The following SLC44A2 variants were observed in gnomAD, a reference collection of about 807,000 sequenced individuals.
SLC44A2 encodes the protein solute carrier family 44 member 2 (CTL2 blood group).
In SLC44A2, 57 loss-of-function variants were observed where a neutral mutation model predicts 90.8. The ratio of observed to expected loss-of-function variants is 0.63; its 90% CI spans 0.51 to 0.78. The LOEUF (loss-of-function observed/expected upper bound fraction) is 0.78. Ranked by LOEUF, SLC44A2 falls within the 30% of genes least tolerant of loss-of-function variation. SLC44A2 has a pLI of 0.00. For missense variants in SLC44A2, 794 were observed against 919.7 expected (o/e 0.86, Z 1.77); for synonymous variants, 355 against 360.7 (o/e 0.98, Z 0.18).
chr19:10,633,969 C>T (rs1238714486), intron 10 of SLC44A2, among the ~76,000 whole-genome samples: 9 of 55,814 alleles, frequency 1.6e-4, no homozygotes, highest in African/African-American at 1.1e-3. Context: ...GAAACCCCAT[C>T]TCTATTTTTT....
chr19:10,634,498 T>C (rs1258869515), intron 10 of SLC44A2, among the ~76,000 whole-genome samples: 3 of 149,802 alleles, frequency 2.0e-5, no homozygotes, highest in African/African-American at 7.3e-5. Flanking sequence ...ACTTAGACCA[T>C]GGCAGCATAT....
At chr19:10,633,669 C>G (rs1281560775) in intron 10 of SLC44A2, among the ~76,000 whole-genome samples, 1 of 152,156 alleles carries the variant, frequency 6.6e-6, no homozygotes, top group Admixed American at 6.6e-5. Flanking sequence ...GTGGCCCAGG[C>G]TAGTCTTGAA....
chr19:10,620,316 A>G (rs2066887070), intron 1 of SLC44A2, among the ~76,000 whole-genome samples: 1 of 152,096 alleles, frequency 6.6e-6, no homozygotes, highest in Admixed American at 6.6e-5. Context: ...CCCCATCTCT[A>G]CTGAAAATAC....
chr19:10,611,696 C>G lies in SLC44A2; in HGVS notation c.31+9135C>G. ...AATTAGCTGGTCATGGTGGCTTATGCCTGTGGTCCGAGCCACTCTGGAGGG... is the reference window on the plus strand; with the variant it reads ...AATTAGCTGGTCATGGTGGCTTATGGCTGTGGTCCGAGCCACTCTGGAGGG... On this transcript the variant is annotated intron_variant, in intron 1 of 21. Transcript: ENST00000407327. Among the ~76,000 whole-genome samples the G allele has an allele frequency of 1.3e-5, 2 of 151,946 alleles. 1 individual carries two copies. The highest frequency in any genetic ancestry group is 1.3e-4 in the Admixed American group (2 of 15,192).
chr19:10,642,668 A>T (rs1444513145), intron 21 of SLC44A2, among the ~76,000 whole-genome samples: 1 of 152,092 alleles, frequency 6.6e-6, no homozygotes, highest in Non-Finnish European at 1.5e-5. Flanking sequence ...TGCAGCCTGG[A>T]CGCTGCCCTG....
chr19:10,625,801 C>T, intron 1 of SLC44A2, 131 bp downstream of exon 1: 2 of 803,126 alleles, frequency 2.5e-6, no homozygotes, highest in Non-Finnish European at 3.4e-6. Context: ...CTGGAGCCTC[C>T]CCACCATCAG....
At chr19:10,639,199 A>C (rs1173660283) in intron 20 of SLC44A2, among the ~76,000 whole-genome samples, 1 of 152,146 alleles carries the variant, frequency 6.6e-6, no homozygotes, top group African/African-American at 2.4e-5. Context: ...CTCGCAGAGT[A>C]CTGGGATTGC....
rs746138961 is a variant in SLC44A2, at chr19:10,635,522, G to A, written c.1233+7G>A. 6.8e-6 allele frequency: 11 copies of A among 1,610,590 alleles called. No individual in the cohort carries two copies. Among genetic ancestry groups the A allele is most frequent in the South Asian group, 3.3e-5 (3 of 90,888 alleles). ...GAAAACCTGCAACCCAGAGGTGGGC[G>A]TCCCCGGGGTGGGGAGGGCAGGTAT... On this transcript the variant is annotated splice_region_variant and intron_variant, in intron 14 of 21. Transcript: ENST00000335757.
At chr19:10,635,588 C>A in intron 14 of SLC44A2, 73 bp downstream of exon 14, 2 of 1,347,078 alleles carry the variant, frequency 1.5e-6, no homozygotes, top group Non-Finnish European at 2.1e-6. Context: ...CTCTCATGTC[C>A]ACTTGGAGGT....
intron 20 of SLC44A2, among the ~76,000 whole-genome samples, chr19:10,638,885 C>T (rs1194877116): frequency 1.3e-5 from 2 of 151,614 alleles, no homozygotes; most frequent in Non-Finnish European, 2.9e-5. Flanking sequence ...CTGCAACCTC[C>T]GCCTCCCAGG....
chr19:10,603,958 A>C (rs1918031535), intron 1 of SLC44A2, among the ~76,000 whole-genome samples: 1 of 152,186 alleles, frequency 6.6e-6, no homozygotes, highest in Non-Finnish European at 1.5e-5. Flanking sequence ...AAAGGATGGA[A>C]TTGAGCTGTG....
Position 10,643,619 on chromosome 19 carries a change from A to G in SLC44A2, c.*234A>G. ...CCCTCCAGACTGCGAGAAACAAGTA[A>G]AAACCCATTGGGGCCTCTTGATGTC... On this transcript the variant is annotated 3_prime_UTR_variant, in exon 22 of 22. Transcript: ENST00000335757. The G allele has an allele frequency of 2.3e-6, 1 of 428,264 alleles. No homozygotes were observed. The highest frequency in any genetic ancestry group is 4.2e-6 in the Non-Finnish European group (1 of 239,752). 26.5% of individuals were successfully genotyped at this position (428,264 alleles called of 1,614,324 possible). A position where few individuals can be genotyped will look rare whatever the true frequency, so the allele number is the denominator to read the frequency against.
chr19:10,639,294 C>A (rs1309210273), intron 20 of SLC44A2, among the ~76,000 whole-genome samples: 1 of 152,186 alleles, frequency 6.6e-6, no homozygotes, highest in Non-Finnish European at 1.5e-5. Flanking sequence ...GAGGGCTTCC[C>A]TCTAAAGGCC....
Position 10,631,548 on chromosome 19 carries a change from A to C in SLC44A2, c.502+13A>C. 6.2e-7 allele frequency: 1 copy of C among 1,613,982 alleles called. No individual in the cohort carries two copies. Among genetic ancestry groups the C allele is most frequent in the Non-Finnish European group, 8.5e-7 (1 of 1,180,006 alleles). ...CCCAGCAAACCCTGTGAGTCAGGGG[A>C]TCCCAGGAGGCTCAGGTGGTGACGG... is the stretch of plus-strand genomic sequence containing the variant. On this transcript the variant is annotated intron_variant, in intron 7 of 21. Transcript: ENST00000335757.
rs189631764 is a variant in SLC44A2 at position 10,634,338 on chromosome 19, C to G, written c.824-418C>G. On this transcript the variant is annotated intron_variant, in intron 10 of 21. Transcript: ENST00000335757. ...AATTAGCCGGGCATGGTGGCGCATG[C>G]CTGTAATCCCAGCTGCTCGGGAAGC... Among the ~76,000 whole-genome samples, 91 of 151,526 alleles carry G rather than the reference C, an allele frequency of 6.0e-4. No individual in the cohort carries two copies. The East Asian group carries it at 0.017, about 29-fold the overall frequency.
rs1013408333 is a variant in SLC44A2 at position 10,636,603 on chromosome 19, G to A, written c.1496+18G>A. ...GCGCTCAGGTGGGCTGGCGTTGCAG[G>A]CAGGATGGGGTGGAGGACGAGGCCT... is the stretch of plus-strand genomic sequence containing the variant. On this transcript the variant is annotated intron_variant, in intron 15 of 21. Transcript: ENST00000335757. The A allele has an allele frequency of 6.2e-7, 1 of 1,604,436 alleles. No individual in the cohort carries two copies. The highest frequency in any genetic ancestry group is 8.5e-7 in the Non-Finnish European group (1 of 1,176,016).
chr19:10,622,589 C>T (rs1004307145), upstream of SLC44A2, among the ~76,000 whole-genome samples: 4 of 151,724 alleles, frequency 2.6e-5, no homozygotes, highest in Non-Finnish European at 4.4e-5. Flanking sequence ...GAGGATGGAG[C>T]GGAGTCATGG....
intron 1 of SLC44A2, among the ~76,000 whole-genome samples, chr19:10,611,036 A>T (rs1918288102): frequency 6.6e-6 from 1 of 151,424 alleles, no homozygotes; most frequent in East Asian, 1.9e-4. Flanking sequence ...TTTGAGAGGG[A>T]GTCTTATGAT....
At chr19:10,628,833 C>T (rs980922337) in intron 4 of SLC44A2, among the ~76,000 whole-genome samples, 1 of 152,118 alleles carries the variant, frequency 6.6e-6, no homozygotes, top group African/African-American at 2.4e-5. Flanking sequence ...ACCTCGTTTT[C>T]CTCATCTCTA....
Sources: allele counts gnomAD v4.1 joint callset (sites outside exome capture counted in the v4.1 genomes callset), GRCh38; gene constraint gnomAD v4.1.1; transcripts MANE v1.5; gene names NCBI Gene and HGNC (gene_info 2026-07-23, HGNC 2026-07-21).